ADGRD1: variants seen among roughly 807,000 people sequenced by gnomAD.
ADGRD1 encodes G-protein coupled receptor 133.
Under a neutral mutation model 113.4 loss-of-function variants are expected in ADGRD1, and 77 were observed. The observed-to-expected ratio is 0.68, with a 90% CI of 0.57 to 0.82. ADGRD1 has a LOEUF of 0.82. Among genes scored for constraint, ADGRD1 ranks in the 40% least tolerant of loss-of-function variants. The pLI is 0.00. For missense variants in ADGRD1, 1,036 were observed against 1,139.1 expected (o/e 0.91, Z 1.30); for synonymous variants, 474 against 475.0 (o/e 1.00, Z 0.03).
At chr12:130,983,975 A>C (rs1376918856) in intron 5 of ADGRD1, among the ~76,000 whole-genome samples, 1 of 152,190 alleles carries the variant, frequency 6.6e-6, no homozygotes, top group Non-Finnish European at 1.5e-5. Flanking sequence ...AGAGAAGAGT[A>C]ACACAAATGC....
chr12:131,059,873 T>A (rs1250804619), intron 13 of ADGRD1, among the ~76,000 whole-genome samples: 1 of 152,260 alleles, frequency 6.6e-6, no homozygotes, highest in Admixed American at 6.5e-5. Context: ...TCATTTGGTG[T>A]TGATGTCTGT....
chr12:130,997,879 C>T (rs1039968615), intron 8 of ADGRD1, among the ~76,000 whole-genome samples: 2 of 152,194 alleles, frequency 1.3e-5, no homozygotes, highest in African/African-American at 2.4e-5. Flanking sequence ...TTGTAGCTAG[C>T]CCAGATCACG....
At chr12:131,012,944 C>T (rs907247413) in intron 12 of ADGRD1, among the ~76,000 whole-genome samples, 2 of 152,130 alleles carry the variant, frequency 1.3e-5, no homozygotes, top group Non-Finnish European at 2.9e-5. Context: ...TGTGTAGTCA[C>T]CCCAAATTCA....
chr12:131,071,966 G>A (rs911578778), intron 13 of ADGRD1, among the ~76,000 whole-genome samples: 7 of 150,754 alleles, frequency 4.6e-5, no homozygotes, highest in South Asian at 4.3e-4. Context: ...TGAGAGCCGC[G>A]TGACTGGGTG....
At chr12:130,959,109 A>G (rs1484700692) in intron 2 of ADGRD1, among the ~76,000 whole-genome samples, 1 of 152,224 alleles carries the variant, frequency 6.6e-6, no homozygotes, top group Non-Finnish European at 1.5e-5. Flanking sequence ...AGCCTTAAGG[A>G]GGAGTCTCCA....
chr12:131,138,322 G>C, intron 24 of ADGRD1, 93 bp downstream of exon 24: 1 of 1,024,342 alleles, frequency 9.8e-7, no homozygotes, highest in Non-Finnish European at 1.5e-6. Context: ...CAGCAGAGGT[G>C]GCTTCGGGTG....
At chr12:131,018,442 G>A (rs913712655) in intron 13 of ADGRD1, among the ~76,000 whole-genome samples, 9 of 150,794 alleles carry the variant, frequency 6.0e-5, no homozygotes, top group African/African-American at 2.2e-4. Flanking sequence ...TCATCCCCGC[G>A]GTTTCCCACC....
rs574800458 is a variant in ADGRD1, at chr12:131,084,887, G to A, written c.1671+224G>A. On this transcript the variant is annotated intron_variant, in intron 15 of 24. Coordinates refer to ENST00000261654, the MANE Select transcript of ADGRD1 (RefSeq NM_198827.5). The surrounding 1 kb of genome is among the most constrained non-coding windows in gnomAD (Gnocchi z 4.5). ...CGAGGAGCCCATGATTGTGTAAATC[G>A]AGTCCAGTGTGGTGTGCTTCGCACA... Among the ~76,000 whole-genome samples, 6 of 152,278 alleles carry A rather than the reference G, an allele frequency of 3.9e-5. No homozygotes were observed. Among genetic ancestry groups the A allele is most frequent in the Admixed American group, 6.5e-5 (1 of 15,300 alleles).
intron 13 of ADGRD1, chr12:131,025,464 G>T (rs1879830615): frequency 6.6e-6 from 1 of 152,170 alleles, no homozygotes; most frequent in African/African-American, 2.4e-5. Flanking sequence ...CGTTGTCAGG[G>T]AACCGTGACA....
chr12:131,090,643 G>A (rs920357885), intron 15 of ADGRD1, among the ~76,000 whole-genome samples: 2 of 152,206 alleles, frequency 1.3e-5, no homozygotes, highest in African/African-American at 4.8e-5. Context: ...ACCCCAAAAC[G>A]ACACTCTGTC....
At chr12:130,970,189 GGCATTTATTAGATCA>G (rs1871446103) in intron 3 of ADGRD1, 1 of 152,192 alleles carries the variant, frequency 6.6e-6, no homozygotes, top group African/African-American at 2.4e-5. Flanking sequence ...TAGCAACTGA[GGCATTTATTAGATCA>G]GCATAGAAGC....
chr12:131,048,020 G>A (rs749285028), intron 13 of ADGRD1, among the ~76,000 whole-genome samples: 9 of 152,154 alleles, frequency 5.9e-5, no homozygotes, highest in Non-Finnish European at 1.2e-4. Flanking sequence ...GCAGAGTGTC[G>A]GCTCCCCTGA....
intron 14 of ADGRD1, among the ~76,000 whole-genome samples, chr12:131,082,911 C>T (rs1886175242): frequency 6.6e-6 from 1 of 152,214 alleles, no homozygotes. Flanking sequence ...GAGTCTCCAT[C>T]CTCAAACTCA....
intron 24 of ADGRD1, 53 bp downstream of exon 24, chr12:131,138,282 C>T: frequency 6.6e-7 from 1 of 1,509,454 alleles, no homozygotes; most frequent in Non-Finnish European, 9.2e-7. Flanking sequence ...CTTCCCCAGG[C>T]TCGGTTGTCA....
intron 18 of ADGRD1, among the ~76,000 whole-genome samples, chr12:131,110,147 C>T (rs1349360411): frequency 6.6e-6 from 1 of 152,036 alleles, no homozygotes; most frequent in Non-Finnish European, 1.5e-5. Flanking sequence ...AAAAAATTGT[C>T]TGGCAATTTC....
chr12:130,967,747 C>G (rs1203667884), intron 3 of ADGRD1: 1 of 152,276 alleles, frequency 6.6e-6, no homozygotes, highest in Admixed American at 6.5e-5. Context: ...GAGGAGCACG[C>G]GCTCCGTGAA....
At chr12:130,979,959 G>A (rs374611381) in intron 4 of ADGRD1, among the ~76,000 whole-genome samples, 16 of 152,308 alleles carry the variant, frequency 1.1e-4, no homozygotes, top group African/African-American at 3.8e-4. Flanking sequence ...CAACGCCAGA[G>A]AGGCCCAAGC....
chr12:131,043,031 C>T (rs1183063588), intron 13 of ADGRD1, among the ~76,000 whole-genome samples: 1 of 152,232 alleles, frequency 6.6e-6, no homozygotes, highest in Non-Finnish European at 1.5e-5. Flanking sequence ...CAGCCTGGCC[C>T]CTGTGGGCAG....
In ADGRD1 at chr12:130,984,718, C is replaced by A. The variant is rs1873417458; in HGVS notation, c.491-2377C>A. The stretch of plus-strand genomic sequence containing the variant: ...ATGGGTTGGTGAGGTTGATCTTTCG[C>A]CCATTTTAAAAATTGGATTGTTTTT... On this transcript the variant is annotated intron_variant, in intron 5 of 24. Coordinates refer to ENST00000261654, the MANE Select transcript of ADGRD1 (RefSeq NM_198827.5). The surrounding 1 kb of genome is among the most constrained non-coding windows in gnomAD (Gnocchi z 4.1). Among the ~76,000 whole-genome samples, 1 of 151,902 alleles carries A rather than the reference C, an allele frequency of 6.6e-6. No individual in the cohort carries two copies. Among genetic ancestry groups the A allele is most frequent in the Non-Finnish European group, 1.5e-5 (1 of 67,972 alleles).
Sources: gnomAD v4.1 joint callset for allele counts (sites outside exome capture counted in the v4.1 genomes callset) on GRCh38, gnomAD v4.1.1 for gene constraint, Gnocchi (gnomAD v3.1) non-coding constraint, MANE v1.5 for transcripts, NCBI Gene and HGNC (gene_info 2026-07-23, HGNC 2026-07-21) for gene names.